Variants in TTC8 observed in about 807,000 individuals in gnomAD.
TTC8 encodes the protein tetratricopeptide repeat domain 8.
Under a neutral mutation model 72.5 loss-of-function variants are expected in TTC8, and 47 were observed. The observed-to-expected ratio is 0.65, with a 90% CI of 0.51 to 0.83. The LOEUF (loss-of-function observed/expected upper bound fraction) is 0.83. TTC8 is among the 40% of genes least tolerant of loss of function. The pLI, the probability that TTC8 is intolerant of heterozygous loss-of-function variation, is 0.00. For missense variants in TTC8, 611 were observed against 623.2 expected (o/e 0.98, Z 0.21); for synonymous variants, 199 against 221.4 (o/e 0.90, Z 0.90).
At chr14:88,867,919 G>A (rs1272043471) in intron 10 of TTC8, among the ~76,000 whole-genome samples, 1 of 152,174 alleles carries the variant, frequency 6.6e-6, no homozygotes, top group Non-Finnish European at 1.5e-5. Context: ...AGCACATGAA[G>A]AAATATATAT....
chr14:88,825,433 G>A (rs1041511598), intron 1 of TTC8, among the ~76,000 whole-genome samples: 2 of 152,206 alleles, frequency 1.3e-5, no homozygotes, highest in African/African-American at 4.8e-5. Context: ...GTAGGAGGGA[G>A]AAATGGGAAA....
At chr14:88,832,321 A>G (rs757949753) in intron 1 of TTC8, among the ~76,000 whole-genome samples, 3 of 152,182 alleles carry the variant, frequency 2.0e-5, no homozygotes, top group Non-Finnish European at 4.4e-5. Flanking sequence ...ATCCAGTATC[A>G]GTGGCTTCTG....
At chr14:88,824,634 G>A, upstream of TTC8, 3 of 1,312,630 alleles carry the variant, frequency 2.3e-6, no homozygotes, top group Non-Finnish European at 3.2e-6. Flanking sequence ...GGCAGAGTCG[G>A]ACGCCGCCAG....
intron 10 of TTC8, 31 bp downstream of exon 10, chr14:88,861,363 T>A: frequency 6.9e-7 from 1 of 1,456,090 alleles, no homozygotes; most frequent in Non-Finnish European, 9.6e-7. Context: ...TATTATTTAT[T>A]GATACACAAT....
rs765810611 is a variant in TTC8, at chr14:88,824,680, T to C, written c.-28T>C. On this transcript the variant is annotated 5_prime_UTR_variant, in exon 1 of 15. Transcript: ENST00000380656. ...CACGCCCACCTCTCTCCTGGAGCGC[T>C]GGGCCTTCGCTGGCCGCACCGGCAG... The C allele has an allele frequency of 1.9e-6, 3 of 1,566,026 alleles. No homozygotes were observed. In the African/African-American group the frequency reaches 4.1e-5, roughly 21 times the overall value.
intron 9 of TTC8, among the ~76,000 whole-genome samples, chr14:88,857,842 C>T (rs893243033): frequency 1.3e-5 from 2 of 152,030 alleles, no homozygotes; most frequent in African/African-American, 4.8e-5. Context: ...TTTCAGGGTC[C>T]CTTGGTGGTT....
At chr14:88,857,317 A>G (rs2094861258) in intron 9 of TTC8, 40 bp downstream of exon 9, 1 of 1,555,988 alleles carries the variant, frequency 6.4e-7, no homozygotes, top group Non-Finnish European at 8.9e-7. Flanking sequence ...GCCTTCTCAG[A>G]ATAAATGTTT....
At chr14:88,854,406 A>G (rs1045285581) in intron 8 of TTC8, among the ~76,000 whole-genome samples, 1 of 152,214 alleles carries the variant, frequency 6.6e-6, no homozygotes, top group African/African-American at 2.4e-5. Context: ...AAAATATTTA[A>G]TGGGCAGCTA....
intron 7 of TTC8, among the ~76,000 whole-genome samples, chr14:88,852,097 C>T (rs537220483): frequency 3.9e-5 from 6 of 152,214 alleles, no homozygotes; most frequent in South Asian, 4.1e-4. Context: ...AGAGAAAAAT[C>T]GTATTACAAA....
At chr14:88,850,216 A>G (rs919352799) in intron 7 of TTC8, among the ~76,000 whole-genome samples, 22 of 152,218 alleles carry the variant, frequency 1.4e-4, no homozygotes, top group African/African-American at 5.3e-4. Context: ...TCTTATTACT[A>G]TGACAATTTT....
intron 1 of TTC8, among the ~76,000 whole-genome samples, chr14:88,832,905 G>A (rs1044527656): frequency 3.3e-5 from 5 of 151,972 alleles, no homozygotes; most frequent in African/African-American, 2.4e-5. Context: ...CCATCCTTTG[G>A]GGCCCTCATT....
At chr14:88,842,275 C>G (rs1354310050) in intron 6 of TTC8, among the ~76,000 whole-genome samples, 2 of 152,134 alleles carry the variant, frequency 1.3e-5, no homozygotes, top group African/African-American at 4.8e-5. Context: ...AATCTCAGTT[C>G]TAATGGTGTT....
Position 88,824,712 on chromosome 14 carries a change from G to A in TTC8, c.5G>A (p.Ser2Asn), listed in dbSNP as rs199571677. 4.0e-5 allele frequency: 64 copies of A among 1,607,368 alleles called. 1 individual carries two copies. In the East Asian group the frequency reaches 1.4e-3, roughly 34 times the overall value. M[S>N]SEMEPLLLAW... ...TCGCTGGCCGCACCGGCAGCCATGA[G>A]CTCGGAGATGGAGCCGCTGCTCCTG... The change falls in exon 1 of 15, where the codon AGC (serine) becomes AAC (asparagine). Residue 2 changes from serine (S) to asparagine (N), a missense_variant. Coordinates refer to ENST00000380656, the MANE Select transcript of TTC8 (RefSeq NM_144596.4).
upstream of TTC8, among the ~76,000 whole-genome samples, chr14:88,824,374 G>C (rs889753990): frequency 7.9e-5 from 12 of 152,156 alleles, no homozygotes; most frequent in Non-Finnish European, 1.6e-4. Flanking sequence ...TCGGTTGCTA[G>C]GCAGCTGCGC....
intron 7 of TTC8, among the ~76,000 whole-genome samples, chr14:88,844,803 C>G (rs1170991167): frequency 6.6e-6 from 1 of 152,012 alleles, no homozygotes; most frequent in Non-Finnish European, 1.5e-5. Context: ...CCTCCTGCCT[C>G]AGCTTCCCAA....
chr14:88,837,344 C>T (rs1342394287), intron 2 of TTC8, among the ~76,000 whole-genome samples: 1 of 152,176 alleles, frequency 6.6e-6, no homozygotes, highest in African/African-American at 2.4e-5. Context: ...TTCTACCCTT[C>T]CTTCCACTCC....
Position 88,872,443 on chromosome 14 carries a change from C to G in TTC8, c.1338C>G (p.His446Gln). 1 of 1,613,750 alleles carries G rather than the reference C, an allele frequency of 6.2e-7. No homozygotes were observed. Among genetic ancestry groups the G allele is most frequent in the Non-Finnish European group, 8.5e-7 (1 of 1,179,792 alleles). ...CTGTGCTGGAGATGCGGAAGGGCCA[C>G]GTTGAACAGGTCAGTGAACTGGCAG... ...NLAVLEMRKG[H>Q]VEQARALLQT... Residue 446 changes from histidine (H) to glutamine (Q), a missense_variant, in exon 13 of 15, where the codon CAC becomes CAG. His to Gln is a conservative substitution (Grantham distance 24, BLOSUM62 0). Coordinates refer to ENST00000380656, the MANE Select transcript of TTC8 (RefSeq NM_144596.4).
At chr14:88,873,321 T>C (rs2094943150) in intron 13 of TTC8, among the ~76,000 whole-genome samples, 1 of 152,226 alleles carries the variant, frequency 6.6e-6, no homozygotes, top group South Asian at 2.1e-4. Context: ...AATTTCTGTC[T>C]TGTCATTCAG....
rs1207500527 is a variant in TTC8, at chr14:88,870,095, A to C, written c.946A>C (p.Lys316Gln). 3.1e-6 allele frequency: 5 copies of C among 1,614,066 alleles called. No homozygotes were observed. In the South Asian group the frequency reaches 5.5e-5, roughly 18 times the overall value. Residue 316 changes from lysine (K) to glutamine (Q), a missense_variant, in exon 11 of 15, where the codon AAA (lysine) becomes CAA (glutamine). By Grantham distance (53) the Lys-to-Gln change is moderately conservative. Coordinates refer to ENST00000380656, the MANE Select transcript of TTC8 (RefSeq NM_144596.4). The stretch of plus-strand genomic sequence containing the variant: ...TATGTCATCAGCAGCAGAATATTAC[A>C]AAGAAGTTTTGAAACAAGACAATAC... ...NNMSSAAEYY[K>Q]EVLKQDNTHV...
Sources: gnomAD v4.1 joint callset for allele counts (sites outside exome capture counted in the v4.1 genomes callset) on GRCh38, gnomAD v4.1.1 for gene constraint, MANE v1.5 for transcripts, NCBI Gene and HGNC (gene_info 2026-07-23, HGNC 2026-07-21) for gene names.